Variants in SAMD12 observed in about 807,000 individuals in gnomAD.
The protein encoded by SAMD12 is sterile alpha motif domain-containing protein 12.
SAMD12 carries 9 observed loss-of-function variants against 15.0 expected under a neutral mutation model. The observed-to-expected ratio is 0.60, with a 90% CI of 0.36 to 1.05. SAMD12 has a LOEUF of 1.05. SAMD12 is among the 50% of genes least tolerant of loss of function. SAMD12 has a pLI of 0.01. For synonymous variants in SAMD12, 86 were observed against 90.1 expected, an observed-to-expected ratio of 0.96 and a Z score of 0.25; for missense variants, 230 against 234.2, an observed-to-expected ratio of 0.98 and a Z score of 0.12.
At chr8:118,342,293 C>CAAAAA (rs10677253) in intron 4 of SAMD12, among the ~76,000 whole-genome samples, 4 of 143,212 alleles carry the variant, frequency 2.8e-5, no homozygotes, top group South Asian at 2.2e-4. Flanking sequence ...GACTTTGTCT[C>CAAAAA]AAAAAAAAAA....
intron 2 of SAMD12, among the ~76,000 whole-genome samples, chr8:118,458,269 A>T (rs1823317513): frequency 6.6e-6 from 1 of 151,230 alleles, no homozygotes; most frequent in African/African-American, 2.4e-5. Context: ...TTCCATTTCC[A>T]TTTTCCTCTT....
At chr8:118,568,295 G>C (rs1166801151) in intron 2 of SAMD12, among the ~76,000 whole-genome samples, 2 of 152,168 alleles carry the variant, frequency 1.3e-5, no homozygotes, top group Non-Finnish European at 2.9e-5. Flanking sequence ...TAAAGGCTTG[G>C]AGGTGGGAAG....
At chr8:118,422,526 T>A (rs952060623) in intron 3 of SAMD12, among the ~76,000 whole-genome samples, 4 of 152,178 alleles carry the variant, frequency 2.6e-5, no homozygotes, top group Non-Finnish European at 5.9e-5. Context: ...AGTGATGTGC[T>A]GTGGTTTCAG....
At chr8:118,424,826 G>A (rs558924537) in intron 3 of SAMD12, among the ~76,000 whole-genome samples, 19 of 152,208 alleles carry the variant, frequency 1.2e-4, no homozygotes, top group African/African-American at 4.1e-4. Flanking sequence ...AAGAGTCATT[G>A]GTCTACTTAG....
intron 4 of SAMD12, among the ~76,000 whole-genome samples, chr8:118,219,441 C>A (rs1222165026): frequency 1.3e-5 from 2 of 152,222 alleles, no homozygotes; most frequent in Non-Finnish European, 2.9e-5. Flanking sequence ...CTAAATTGAA[C>A]ATATGAGGTA....
intron 4 of SAMD12, among the ~76,000 whole-genome samples, chr8:118,261,641 T>TG (rs796974532): frequency 7.1e-4 from 108 of 152,062 alleles, no homozygotes; most frequent in African/African-American, 2.4e-3. Flanking sequence ...TGATTTTTTT[T>TG]TTTTTTTTAC....
At chr8:118,165,617 T>TTTCTTATC in the SAMD12 span, among the ~76,000 whole-genome samples, 2 of 3,882 alleles carry the variant, frequency 5.2e-4, no homozygotes, top group African/African-American at 7.4e-4. Flanking sequence ...TATATATGTA[T>TTTCTTATC]ATATATATAT....
chr8:118,260,834 G>A (rs1164748655), intron 4 of SAMD12, among the ~76,000 whole-genome samples: 1 of 152,056 alleles, frequency 6.6e-6, no homozygotes, highest in Non-Finnish European at 1.5e-5. Context: ...CCAAGGAGTG[G>A]TAACAGCTCC....
intron 4 of SAMD12, among the ~76,000 whole-genome samples, chr8:118,226,046 C>A (rs1190015108): frequency 6.6e-6 from 1 of 152,164 alleles, no homozygotes. Context: ...CAAAAGGACT[C>A]AGGCACATTG....
chr8:118,224,183 A>C (rs945738808), intron 4 of SAMD12, among the ~76,000 whole-genome samples: 2 of 152,180 alleles, frequency 1.3e-5, no homozygotes, highest in African/African-American at 2.4e-5. Flanking sequence ...GGATCATGAG[A>C]GTGGCTGAGG....
chr8:118,391,470 G>A (rs938235250), intron 3 of SAMD12, among the ~76,000 whole-genome samples: 7 of 152,166 alleles, frequency 4.6e-5, no homozygotes, highest in Non-Finnish European at 7.3e-5. Flanking sequence ...GAAGCATTAA[G>A]TGTCTATTAA....
At chr8:118,248,460 G>A (rs552285339) in intron 4 of SAMD12, among the ~76,000 whole-genome samples, 1 of 152,222 alleles carries the variant, frequency 6.6e-6, no homozygotes, top group South Asian at 2.1e-4. Flanking sequence ...GAGGAGGCTG[G>A]ATGGAGGGTG....
the SAMD12 span, among the ~76,000 whole-genome samples, chr8:118,135,383 T>C: frequency 1.1e-3 from 165 of 152,178 alleles, no homozygotes; most frequent in Non-Finnish European, 2.0e-3. Flanking sequence ...AGTTTCACCA[T>C]GTTGGCCAGG....
At chr8:118,156,461 C>A in the SAMD12 span, among the ~76,000 whole-genome samples, 3 of 152,162 alleles carry the variant, frequency 2.0e-5, no homozygotes, top group Non-Finnish European at 2.9e-5. Context: ...CACTAGATAT[C>A]AAGGCTCCAT....
chr8:118,412,879 G>C (rs948086439), intron 3 of SAMD12, among the ~76,000 whole-genome samples: 1 of 152,128 alleles, frequency 6.6e-6, no homozygotes, highest in Non-Finnish European at 1.5e-5. Flanking sequence ...GAATATGCTT[G>C]GCAGTGGGGT....
At chr8:118,354,769 G>A (rs1251171159) in intron 4 of SAMD12, among the ~76,000 whole-genome samples, 2 of 152,200 alleles carry the variant, frequency 1.3e-5, no homozygotes, top group Non-Finnish European at 2.9e-5. Flanking sequence ...TGGCTCAAAT[G>A]AGAATTAAAT....
At chr8:118,510,014 AG>A (rs2131063167) in intron 2 of SAMD12, among the ~76,000 whole-genome samples, 1 of 152,260 alleles carries the variant, frequency 6.6e-6, no homozygotes, top group Admixed American at 6.5e-5. Flanking sequence ...TGAGGGTGAA[AG>A]TTATCTGTGC....
downstream of SAMD12, among the ~76,000 whole-genome samples, chr8:118,185,381 AC>A (rs201221298): frequency 0.025 from 3,792 of 151,874 alleles, 68 homozygotes; most frequent in Middle Eastern, 0.051. Context: ...TTTATCCTTC[AC>A]CCCCTTCTCC....
At chr8:118,549,661 A>G (rs1206820234) in intron 2 of SAMD12, among the ~76,000 whole-genome samples, 2 of 152,252 alleles carry the variant, frequency 1.3e-5, no homozygotes, top group Middle Eastern at 3.2e-3. Context: ...CTCACCAGCA[A>G]TGGAACAAAG....
Sources: gnomAD v4.1 joint callset for allele counts (sites outside exome capture counted in the v4.1 genomes callset) on GRCh38, gnomAD v4.1.1 for gene constraint, MANE v1.5 for transcripts, NCBI Gene and HGNC (gene_info 2026-07-23, HGNC 2026-07-21) for gene names.